The following MIPOL1 variants were observed in gnomAD, a reference collection of about 807,000 sequenced individuals.
MIPOL1 encodes mirror-image polydactyly 1.
A neutral mutation model predicts 60.9 loss-of-function variants in MIPOL1; 57 were observed. That is an observed-to-expected ratio of 0.94 (90% CI 0.76 to 1.17). MIPOL1 has a LOEUF of 1.17. Among genes scored for constraint, MIPOL1 ranks in the 50% most tolerant of loss-of-function variants. The probability of loss-of-function intolerance (pLI) is 0.00; values close to 1 mark genes in which losing one functional copy is unlikely to be tolerated. For synonymous variants in MIPOL1, 179 were observed against 168.8 expected, an observed-to-expected ratio of 1.06 and a Z score of -0.47; for missense variants, 551 against 511.6, an observed-to-expected ratio of 1.08 and a Z score of -0.74.
intron 9 of MIPOL1, among the ~76,000 whole-genome samples, chr14:37,350,551 C>G (rs1438870347): frequency 1.3e-5 from 2 of 152,040 alleles, no homozygotes; most frequent in African/African-American, 4.8e-5. Flanking sequence ...GTATCCATCC[C>G]TTCAAGCATT....
chr14:37,266,934 A>G lies in MIPOL1; in HGVS notation c.20-4A>G. On this transcript the variant is annotated splice_polypyrimidine_tract_variant and splice_region_variant and intron_variant, in intron 3 of 12. Transcript: ENST00000684589. The stretch of plus-strand genomic sequence containing the variant: ...TCATGTGTTATTTGTTTGTTTAAAT[A>G]CAGACATAACCCACAGTTATCTTGA... The G allele has an allele frequency of 3.8e-6, 6 of 1,596,244 alleles. No homozygotes were observed. Among genetic ancestry groups the G allele is most frequent in the Non-Finnish European group, 5.1e-6 (6 of 1,166,082 alleles).
intron 11 of MIPOL1, among the ~76,000 whole-genome samples, chr14:37,470,399 A>C (rs1225644246): frequency 6.6e-6 from 1 of 151,980 alleles, no homozygotes; most frequent in Non-Finnish European, 1.5e-5. Context: ...GCGGGAGGTG[A>C]TTGGATCATG....
At chr14:37,264,126 A>T (rs1291635528) in intron 3 of MIPOL1, among the ~76,000 whole-genome samples, 1 of 152,162 alleles carries the variant, frequency 6.6e-6, no homozygotes. Context: ...AGTTTAGGGA[A>T]AATAACTGAA....
At chr14:37,474,104 T>C (rs572435723) in intron 11 of MIPOL1, among the ~76,000 whole-genome samples, 22 of 152,324 alleles carry the variant, frequency 1.4e-4, no homozygotes, top group Admixed American at 1.4e-3. Context: ...CGATAGTTCT[T>C]TTTTATCATT....
At chr14:37,361,878 T>A (rs2092276029) in intron 9 of MIPOL1, among the ~76,000 whole-genome samples, 1 of 152,136 alleles carries the variant, frequency 6.6e-6, no homozygotes. Flanking sequence ...AAGTGCTGTT[T>A]GTCTCTTTTG....
chr14:37,504,955 T>A (rs2095261233), intron 12 of MIPOL1: 1 of 151,962 alleles, frequency 6.6e-6, no homozygotes, highest in African/African-American at 2.4e-5. Context: ...CAAACTACCA[T>A]CAGATAATAC....
At chr14:37,263,396 G>A (rs1273365794) in intron 3 of MIPOL1, among the ~76,000 whole-genome samples, 3 of 152,190 alleles carry the variant, frequency 2.0e-5, no homozygotes, top group African/African-American at 7.2e-5. Flanking sequence ...TCTAGCAATA[G>A]CAGTAGGTGG....
chr14:37,419,791 A>G (rs1003788248), intron 10 of MIPOL1, among the ~76,000 whole-genome samples: 8 of 150,858 alleles, frequency 5.3e-5, no homozygotes, highest in Non-Finnish European at 1.0e-4. Flanking sequence ...ACCAGGCTGG[A>G]GTGCAATGGT....
Position 37,270,415 on chromosome 14 carries a change from T to G in MIPOL1, c.388-5T>G, listed in dbSNP as rs2083209211. On this transcript the variant is annotated splice_region_variant and splice_polypyrimidine_tract_variant and intron_variant, in intron 5 of 12. Coordinates refer to ENST00000684589, the MANE Select transcript of MIPOL1 (RefSeq NM_001388067.1). The stretch of plus-strand genomic sequence containing the variant: ...GAATCCATGATTTTTTTCAATGTGC[T>G]TTAGCTTCAGCAGAAATTGGCTAAA... 1 of 1,511,048 alleles carries G rather than the reference T, an allele frequency of 6.6e-7. No homozygotes were observed. 93.6% of individuals were successfully genotyped at this position (1,511,048 alleles called of 1,614,324 possible).
chr14:37,212,591 C>T (rs943205499), intron 1 of MIPOL1, among the ~76,000 whole-genome samples: 20 of 152,138 alleles, frequency 1.3e-4, no homozygotes, highest in African/African-American at 4.6e-4. Context: ...TTTTACTCTA[C>T]TCCCTGACTC....
intron 11 of MIPOL1, among the ~76,000 whole-genome samples, chr14:37,488,178 G>A (rs1178498900): frequency 6.6e-6 from 1 of 152,122 alleles, no homozygotes; most frequent in Non-Finnish European, 1.5e-5. Context: ...TTGCAGTGTG[G>A]TTGGAGTGAC....
intron 12 of MIPOL1, among the ~76,000 whole-genome samples, chr14:37,525,347 G>A (rs552968250): frequency 2.0e-4 from 31 of 152,298 alleles, no homozygotes; most frequent in African/African-American, 7.2e-4. Flanking sequence ...CGACTTGGGT[G>A]AATCAAGGAA....
intron 11 of MIPOL1, among the ~76,000 whole-genome samples, chr14:37,481,559 C>A (rs866733553): frequency 9.8e-5 from 6 of 61,186 alleles, no homozygotes; most frequent in Non-Finnish European, 2.0e-4. Context: ...GGACCCCCCC[C>A]AACACACACA....
At chr14:37,390,592 A>G (rs1415932299) in intron 10 of MIPOL1, among the ~76,000 whole-genome samples, 5 of 152,184 alleles carry the variant, frequency 3.3e-5, no homozygotes, top group Non-Finnish European at 7.3e-5. Context: ...ATTTCATTAT[A>G]AAATTGTAAT....
At chr14:37,422,999 A>C (rs1745837417) in intron 11 of MIPOL1, 50 bp downstream of exon 11, 1 of 1,171,342 alleles carries the variant, frequency 8.5e-7, no homozygotes. Flanking sequence ...AGTTTGGGAA[A>C]TGTTTCTACC....
At chr14:37,457,981 G>T (rs908823351) in intron 11 of MIPOL1, among the ~76,000 whole-genome samples, 11 of 151,786 alleles carry the variant, frequency 7.2e-5, no homozygotes, top group African/African-American at 2.7e-4. Flanking sequence ...TCAGACATGG[G>T]TTGAAAAAGA....
At position 37,549,479 on chromosome 14, in the gene MIPOL1, G is replaced by C. The variant is rs2095556378; in HGVS notation, c.*2508G>C. 6.6e-6 allele frequency: 1 copy of C among 151,644 alleles called. No homozygotes were observed. Among genetic ancestry groups the C allele is most frequent in the Admixed American group, 6.6e-5 (1 of 15,208 alleles). 9.4% of individuals were successfully genotyped at this position (151,644 alleles called of 1,614,324 possible). A position where few individuals can be genotyped will look rare whatever the true frequency, so the allele number is the denominator to read the frequency against. ...TAATTATTATTATATTCATTCTACA[G>C]ATGAGGAAACAGACTCAGTAAGCCT... On this transcript the variant is annotated 3_prime_UTR_variant, in exon 13 of 13. Transcript: ENST00000684589.
rs761799299 is a variant in MIPOL1 at position 37,308,499 on chromosome 14, C to A, written c.808C>A (p.Arg270=). Residue 270 remains arginine (R), a synonymous_variant, in exon 9 of 13, where the codon CGG becomes AGG. Transcript: ENST00000684589. ...AEEMSALIEE[R]DAALSKCKRL... is the part of the protein sequence containing the mutation. The stretch of plus-strand genomic sequence containing the variant: ...AGAAATGAGTGCACTAATAGAAGAA[C>A]GGGATGCTGCCTTGTCTAAGGTAAC... 2 of 1,584,982 alleles carry A rather than the reference C, an allele frequency of 1.3e-6. No homozygotes were observed. The highest frequency in any genetic ancestry group is 2.3e-5 in the East Asian group (1 of 43,666).
At chr14:37,462,297 G>C (rs187547600) in intron 11 of MIPOL1, among the ~76,000 whole-genome samples, 45 of 152,276 alleles carry the variant, frequency 3.0e-4, no homozygotes, top group African/African-American at 9.4e-4. Flanking sequence ...TGGAGTGGCT[G>C]GGATGCAGGG....
Sources: allele counts gnomAD v4.1 joint callset (sites outside exome capture counted in the v4.1 genomes callset), GRCh38; gene constraint gnomAD v4.1.1; transcripts MANE v1.5; gene names NCBI Gene and HGNC (gene_info 2026-07-23, HGNC 2026-07-21).